The following PXK variants were observed in gnomAD, a reference collection of about 807,000 sequenced individuals.
PXK encodes the protein PX domain containing serine/threonine kinase like.
In PXK, 35 loss-of-function variants were observed where a neutral mutation model predicts 84.7. That is an observed-to-expected ratio of 0.41 (90% CI 0.32 to 0.55). The LOEUF is 0.55. Ranked by LOEUF, PXK falls within the 20% of genes least tolerant of loss-of-function variation. The pLI, the probability that PXK is intolerant of heterozygous loss-of-function variation, is 0.21. For missense variants in PXK, 634 were observed against 699.7 expected, an observed-to-expected ratio of 0.91 and a Z score of 1.06; for synonymous variants, 253 against 260.8, an observed-to-expected ratio of 0.97 and a Z score of 0.29.
At chr3:58,344,573 C>T (rs2097785353) in intron 1 of PXK, among the ~76,000 whole-genome samples, 1 of 152,160 alleles carries the variant, frequency 6.6e-6, no homozygotes, top group Non-Finnish European at 1.5e-5. Flanking sequence ...CCTGTAATCC[C>T]AGCACTTTGG....
chr3:58,335,848 G>C (rs560740740), intron 1 of PXK, among the ~76,000 whole-genome samples: 1 of 151,794 alleles, frequency 6.6e-6, no homozygotes, highest in Admixed American at 6.6e-5. Flanking sequence ...TGCCTCCCAA[G>C]GTTGTTAGGA....
At chr3:58,341,708 TTTC>T (rs2097734809) in intron 1 of PXK, among the ~76,000 whole-genome samples, 1 of 113,496 alleles carries the variant, frequency 8.8e-6, no homozygotes, top group Admixed American at 8.0e-5. Flanking sequence ...TTTCTTTTCT[TTTC>T]TTTTTTTTTT....
Position 58,409,656 on chromosome 3 carries a change from CT to C in PXK, c.1395+40del. The C allele has an allele frequency of 6.6e-7, 1 of 1,519,432 alleles. No homozygotes were observed. Among genetic ancestry groups the C allele is most frequent in the Non-Finnish European group, 9.0e-7 (1 of 1,109,912 alleles). The allele number at this position is 1,519,432 out of a possible 1,614,324, so 94.1% of individuals were successfully genotyped here. ...TCTCTCTGCAGTCCCTCTATGAGTT[CT>C]TGAGTACATGTGAAGAAAGTTCTAG... On this transcript the variant is annotated intron_variant, in intron 15 of 17. Coordinates refer to ENST00000356151, the MANE Select transcript of PXK (RefSeq NM_017771.5). The surrounding 1 kb of genome is among the most constrained non-coding windows in gnomAD (Gnocchi z 4.2).
At chr3:58,417,230 C>T (rs752353480) in intron 17 of PXK, among the ~76,000 whole-genome samples, 4 of 152,210 alleles carry the variant, frequency 2.6e-5, no homozygotes, top group Non-Finnish European at 5.9e-5. Context: ...ATCAAGCACA[C>T]TCTAAATCCT....
chr3:58,363,335 C>T (rs879207670), intron 1 of PXK, among the ~76,000 whole-genome samples: 1 of 152,022 alleles, frequency 6.6e-6, no homozygotes, highest in African/African-American at 2.4e-5. Context: ...TTGTTGAACT[C>T]AATTAATTAA....
intron 3 of PXK, among the ~76,000 whole-genome samples, chr3:58,378,821 C>A (rs1431137425): frequency 6.6e-6 from 1 of 152,038 alleles, no homozygotes; most frequent in Non-Finnish European, 1.5e-5. Flanking sequence ...CAGGCGTGAG[C>A]CACCGCGCCC....
intron 1 of PXK, among the ~76,000 whole-genome samples, chr3:58,344,057 A>G (rs2097778058): frequency 1.3e-5 from 2 of 152,160 alleles, no homozygotes; most frequent in African/African-American, 4.8e-5. Context: ...AAGAGCGACA[A>G]TGGCTTAATG....
At chr3:58,368,293 G>A (rs1273576135) in intron 2 of PXK, among the ~76,000 whole-genome samples, 1 of 152,144 alleles carries the variant, frequency 6.6e-6, no homozygotes, top group African/African-American at 2.4e-5. Flanking sequence ...AGACAGGAGG[G>A]CAGAAGACCA....
intron 1 of PXK, among the ~76,000 whole-genome samples, chr3:58,352,779 T>C (rs978197412): frequency 6.6e-6 from 1 of 152,156 alleles, no homozygotes. Context: ...TTTTCTTCTC[T>C]GGAACATCAG....
chr3:58,422,100 T>C, intron 17 of PXK: 1 of 985,378 alleles, frequency 1.0e-6, no homozygotes, highest in Non-Finnish European at 1.2e-6. Context: ...CCTCCATTGT[T>C]AGCCATGTGT....
intron 1 of PXK, among the ~76,000 whole-genome samples, chr3:58,341,614 C>G (rs2097732605): frequency 6.6e-6 from 1 of 152,104 alleles, no homozygotes; most frequent in Non-Finnish European, 1.5e-5. Flanking sequence ...ATGAGTCACT[C>G]ATTTAAAGCA....
chr3:58,350,646 G>A (rs1489112556), intron 1 of PXK, among the ~76,000 whole-genome samples: 1 of 152,166 alleles, frequency 6.6e-6, no homozygotes, highest in Non-Finnish European at 1.5e-5. Flanking sequence ...CCCTCTCTGA[G>A]CTTCAGGGTT....
In PXK at chr3:58,395,021, C is replaced by T; in HGVS notation, c.639C>T (p.Thr213=). The change falls in exon 8 of 18, where the codon ACC becomes ACT. Residue 213 remains threonine (T), a synonymous_variant. Coordinates refer to ENST00000356151, the MANE Select transcript of PXK (RefSeq NM_017771.5). ...AGCACCCTTACATCTATCGGGTTAC[C>T]TTTGCCACAGCTAATGAATCCTCAG... ...SCLHPYIYRV[T]FATANESSAL... is the part of the protein sequence containing the mutation. The T allele has an allele frequency of 6.2e-7, 1 of 1,613,224 alleles. No homozygotes were observed. The highest frequency in any genetic ancestry group is 8.5e-7 in the Non-Finnish European group (1 of 1,179,276).
intron 2 of PXK, among the ~76,000 whole-genome samples, chr3:58,369,003 T>G (rs1177703557): frequency 6.6e-6 from 1 of 152,172 alleles, no homozygotes; most frequent in Non-Finnish European, 1.5e-5. Flanking sequence ...GGAGCTCACC[T>G]GGGGAAAGTT....
At chr3:58,396,993 C>A (rs771922663) in intron 9 of PXK, 46 bp from the exon 10 acceptor site, 1 of 1,565,400 alleles carries the variant, frequency 6.4e-7, no homozygotes, top group Non-Finnish European at 8.7e-7. Flanking sequence ...TGTCTTATAT[C>A]TGAATGAGTT....
In PXK at chr3:58,421,982, T is replaced by G; in HGVS notation, c.1529-2770T>G. On this transcript the variant is annotated intron_variant, in intron 17 of 17. Coordinates refer to ENST00000356151, the MANE Select transcript of PXK (RefSeq NM_017771.5). This position sits in a 1 kb window ranked among gnomAD's most constrained non-coding sequence, Gnocchi z 5.5. ...GAGGTCTCTTGGCAGGAAGGCCTCA[T>G]TCACATCTGAGGGGTGGAGAGCGCG... 3 of 985,402 alleles carry G rather than the reference T, an allele frequency of 3.0e-6. No individual in the cohort carries two copies. The highest frequency in any genetic ancestry group is 3.6e-6 in the Non-Finnish European group (3 of 829,918). The allele number at this position is 985,402 out of a possible 1,614,324, so 61.0% of individuals were successfully genotyped here.
intron 17 of PXK, chr3:58,423,106 A>T: frequency 1.0e-6 from 1 of 985,358 alleles, no homozygotes; most frequent in Non-Finnish European, 1.2e-6. Flanking sequence ...CTCAGTTCCA[A>T]AAACCTTCAG....
At chr3:58,354,492 G>C (rs1403057415) in intron 1 of PXK, among the ~76,000 whole-genome samples, 3 of 150,926 alleles carry the variant, frequency 2.0e-5, no homozygotes, top group East Asian at 3.9e-4. Flanking sequence ...TCTGTCACAG[G>C]CTGGAGTGCA....
intron 17 of PXK, chr3:58,423,366 TTGTC>T (rs1211590696): frequency 1.4e-5 from 21 of 1,481,028 alleles, no homozygotes; most frequent in Middle Eastern, 1.8e-4. Context: ...TGTTGGTCAT[TTGTC>T]TGTATTTAGT....
Sources: allele counts gnomAD v4.1 joint callset (sites outside exome capture counted in the v4.1 genomes callset), GRCh38; gene constraint gnomAD v4.1.1; non-coding constraint Gnocchi (gnomAD v3.1); transcripts MANE v1.5; gene names NCBI Gene and HGNC (gene_info 2026-07-23, HGNC 2026-07-21).